The following ZNF398 variants were observed in gnomAD, a reference collection of about 807,000 sequenced individuals.
ZNF398 encodes zinc finger DNA binding protein ZER6.
Under a neutral mutation model 41.9 loss-of-function variants are expected in ZNF398, and 18 were observed. The observed-to-expected ratio is 0.43, with a 90% CI of 0.30 to 0.64. The LOEUF (loss-of-function observed/expected upper bound fraction) is 0.64, where lower values mean the gene tolerates loss of function less well. Among genes scored for constraint, ZNF398 ranks in the 30% least tolerant of loss-of-function variants. The pLI is 0.14. For missense variants in ZNF398, 669 were observed against 822.8 expected (o/e 0.81, Z 2.29); for synonymous variants, 260 against 308.8 (o/e 0.84, Z 1.66).
chr7:149,176,174 C>CA, intron 4 of ZNF398, among the ~76,000 whole-genome samples: 1 of 151,686 alleles, frequency 6.6e-6, no homozygotes, highest in East Asian at 2.0e-4. Context: ...CTACTAAAAA[C>CA]AAAAAAATTT....
chr7:149,128,878 T>G (rs1406290836), exon 2 of ZNF398: 1 of 151,900 alleles, frequency 6.6e-6, no homozygotes, highest in East Asian at 1.9e-4. Context: ...CTTGGCTCAC[T>G]GCAACCTCCG....
chr7:149,177,401 A>G (rs1795485881), intron 5 of ZNF398, among the ~76,000 whole-genome samples: 1 of 152,048 alleles, frequency 6.6e-6, no homozygotes, highest in African/African-American at 2.4e-5. Flanking sequence ...GGAGTTCAAG[A>G]CCAGCCTGGG....
At position 149,179,009 on chromosome 7, in the gene ZNF398, T is replaced by C. The variant is rs748111278; in HGVS notation, c.1137T>C (p.Phe379=). The change falls in exon 6 of 6, where the codon TTT becomes TTC. Residue 379 remains phenylalanine, a synonymous_variant. Transcript: ENST00000475153. This position sits in a 1 kb window ranked among gnomAD's most constrained non-coding sequence, Gnocchi z 6.1. The part of the protein sequence containing the change: ...PLPCAQCPKH[F]TPQADLSSTS... ...CCTGTGCCCAGTGCCCTAAGCACTT[T>C]ACTCCACAGGCGGACCTCAGCAGCA... is the stretch of plus-strand genomic sequence containing the variant. The C allele has an allele frequency of 6.2e-7, 1 of 1,613,036 alleles. No homozygotes were observed. Among genetic ancestry groups the C allele is most frequent in the East Asian group, 2.2e-5 (1 of 44,818 alleles).
intron 2 of ZNF398, among the ~76,000 whole-genome samples, chr7:149,159,670 T>A (rs1795060152): frequency 6.6e-6 from 1 of 151,494 alleles, no homozygotes; most frequent in South Asian, 2.1e-4. Context: ...CTTTTTCTGC[T>A]CTTAAATTTG....
At chr7:149,154,466 G>A (rs1216940928) in intron 2 of ZNF398, 126 bp downstream of exon 2, 1 of 1,128,892 alleles carries the variant, frequency 8.9e-7, no homozygotes, top group Non-Finnish European at 1.2e-6. Flanking sequence ...CAGTCTGAAA[G>A]AATCATGAAG....
chr7:149,133,721 A>G (rs1263570167), intron 2 of ZNF398, among the ~76,000 whole-genome samples: 1 of 107,348 alleles, frequency 9.3e-6, no homozygotes, highest in African/African-American at 4.1e-5. Flanking sequence ...ATATATATGT[A>G]TATATATATT....
intron 2 of ZNF398, among the ~76,000 whole-genome samples, chr7:149,155,734 T>TTTTTTA (rs1563159645): frequency 2.7e-5 from 3 of 110,632 alleles, no homozygotes; most frequent in Admixed American, 9.6e-5. Flanking sequence ...TTTTTTAATT[T>TTTTTTA]TTTTTTTTTT....
At chr7:149,165,699 G>T (rs1205772048) in intron 2 of ZNF398, among the ~76,000 whole-genome samples, 1 of 152,100 alleles carries the variant, frequency 6.6e-6, no homozygotes, top group East Asian at 1.9e-4. Flanking sequence ...TCATGTGCAC[G>T]ATGAACAGCA....
intron 4 of ZNF398, among the ~76,000 whole-genome samples, chr7:149,173,241 A>C (rs1795389021): frequency 6.6e-6 from 1 of 150,942 alleles, no homozygotes; most frequent in Admixed American, 6.7e-5. Context: ...AGTAGCTGGG[A>C]TTACAGGCGC....
At chr7:149,169,763 T>A (rs2129521361) in intron 4 of ZNF398, among the ~76,000 whole-genome samples, 1 of 152,228 alleles carries the variant, frequency 6.6e-6, no homozygotes, top group East Asian at 1.9e-4. Context: ...CAGTACTTGT[T>A]TTCTTAAAAA....
At chr7:149,168,421 A>G (rs1471636956) in intron 4 of ZNF398, among the ~76,000 whole-genome samples, 1 of 152,116 alleles carries the variant, frequency 6.6e-6, no homozygotes. Context: ...TGAAGACATC[A>G]ATGCATTTTC....
At chr7:149,160,872 G>C (rs1179763455) in intron 2 of ZNF398, among the ~76,000 whole-genome samples, 4 of 151,938 alleles carry the variant, frequency 2.6e-5, no homozygotes, top group African/African-American at 9.7e-5. Context: ...ACCCCATATA[G>C]TTTTCTCAGT....
At chr7:149,160,294 G>T (rs1372038487) in intron 2 of ZNF398, among the ~76,000 whole-genome samples, 2 of 152,154 alleles carry the variant, frequency 1.3e-5, no homozygotes, top group East Asian at 3.9e-4. Context: ...AGCCAGATGT[G>T]GTGGTGGGGG....
At chr7:149,176,043 A>T (rs534991138) in intron 4 of ZNF398, among the ~76,000 whole-genome samples, 101 of 152,160 alleles carry the variant, frequency 6.6e-4, no homozygotes, top group African/African-American at 2.4e-3. Context: ...TTAGAAATAA[A>T]TATTTGGGGC....
upstream of ZNF398, among the ~76,000 whole-genome samples, chr7:149,143,827 A>G (rs1027171753): frequency 2.6e-5 from 4 of 151,956 alleles, no homozygotes; most frequent in Non-Finnish European, 1.5e-5. Context: ...AAACAAACAA[A>G]CAACCCCCCA....
In ZNF398 at chr7:149,179,603, C is replaced by A; in HGVS notation, c.1731C>A (p.Arg577=). 1 of 1,614,200 alleles carries A rather than the reference C, an allele frequency of 6.2e-7. No individual in the cohort carries two copies. The part of the protein sequence containing the change: ...YPCSYCGRSF[R]YKQTLKDHLR... ...GCTCCTACTGTGGCAGGAGCTTCCG[C>A]TACAAACAGACACTCAAGGACCACC... The change falls in exon 6 of 6, where the codon CGC becomes CGA. Residue 577 remains arginine (R), a synonymous_variant. Coordinates refer to ENST00000475153, the MANE Select transcript of ZNF398 (RefSeq NM_170686.3). This position sits in a 1 kb window ranked among gnomAD's most constrained non-coding sequence, Gnocchi z 6.1.
chr7:149,178,569 T>A lies in ZNF398; in HGVS notation c.776-79T>A, dbSNP rs1795518780. On this transcript the variant is annotated intron_variant, in intron 5 of 5. Transcript: ENST00000475153. ...TCTGATCTGAGCTTCGAGTGATCTGTTAGAGCTGGGTAGGAATGCATGAGA... is the reference window on the plus strand; with the variant it reads ...TCTGATCTGAGCTTCGAGTGATCTGATAGAGCTGGGTAGGAATGCATGAGA... 4.9e-6 allele frequency: 6 copies of A among 1,234,692 alleles called. No homozygotes were observed. In the East Asian group the frequency reaches 1.4e-4, roughly 29 times the overall value. 76.5% of individuals were successfully genotyped at this position (1,234,692 alleles called of 1,614,324 possible).
At chr7:149,153,857 C>G (rs1159425509) in intron 1 of ZNF398, 88 bp from the exon 2 acceptor site, 2 of 1,426,896 alleles carry the variant, frequency 1.4e-6, no homozygotes, top group South Asian at 1.3e-5. Flanking sequence ...CTCTGCTGGA[C>G]AGTTAAGCAG....
At chr7:149,136,124 A>AATTTATTTATTT (rs58711080) in intron 2 of ZNF398, among the ~76,000 whole-genome samples, 13 of 151,096 alleles carry the variant, frequency 8.6e-5, no homozygotes, top group African/African-American at 3.1e-4. Flanking sequence ...TTATGTTTTA[A>AATTTATTTATTT]ATTTATTTAT....
Sources: gnomAD v4.1 joint callset for allele counts (sites outside exome capture counted in the v4.1 genomes callset) on GRCh38, gnomAD v4.1.1 for gene constraint, Gnocchi (gnomAD v3.1) non-coding constraint, MANE v1.5 for transcripts, NCBI Gene and HGNC (gene_info 2026-07-23, HGNC 2026-07-21) for gene names.